Variants in DNAH5 observed in about 807,000 individuals in gnomAD.
DNAH5 encodes the protein dynein axonemal heavy chain 5, also known as axonemal beta dynein heavy chain 5.
In DNAH5, 372 loss-of-function variants were observed where a neutral mutation model predicts 518.2. The ratio of observed to expected loss-of-function variants is 0.72; its 90% CI spans 0.66 to 0.78. The LOEUF (loss-of-function observed/expected upper bound fraction) is 0.78, where lower values mean the gene tolerates loss of function less well. DNAH5 is among the 30% of genes least tolerant of loss of function. DNAH5 has a pLI of 0.00. For missense variants in DNAH5, 5,523 were observed against 5,687.0 expected (o/e 0.97, Z 0.93); for synonymous variants, 2,039 against 2,025.9 (o/e 1.01, Z -0.17).
At chr5:13,936,805 G>T (rs1347083532) in intron 1 of DNAH5, among the ~76,000 whole-genome samples, 1 of 152,140 alleles carries the variant, frequency 6.6e-6, no homozygotes, top group East Asian at 1.9e-4. Flanking sequence ...CTTGTTGACA[G>T]GTTTGTTCCT....
rs776748746 is a variant in DNAH5 at position 13,793,929 on chromosome 5, A to G, written c.8010+7T>C. The G allele has an allele frequency of 3.7e-6, 6 of 1,614,068 alleles. No homozygotes were observed. The highest frequency in any genetic ancestry group is 5.1e-6 in the Non-Finnish European group (6 of 1,179,932). On this transcript the variant is annotated splice_region_variant and intron_variant, in intron 48 of 78. Transcript: ENST00000265104. ...AAGAAATAAAATGCACAATAGAATG[A>G]TGATACCTGATCTCCCCACTCATTG...
chr5:13,773,421 G>A (rs181019423), intron 55 of DNAH5, among the ~76,000 whole-genome samples: 2 of 152,214 alleles, frequency 1.3e-5, no homozygotes, highest in East Asian at 3.9e-4. Context: ...AGGGACTAGT[G>A]TGAAAGGATA....
In DNAH5 at chr5:13,736,080, C is replaced by A. The variant is rs1365741802; in HGVS notation, c.11456-148G>T. The A allele has an allele frequency of 5.1e-5, 34 of 671,694 alleles. No individual in the cohort carries two copies. The Admixed American group carries it at 7.9e-4, about 16-fold the overall frequency. The allele number at this position is 671,694 out of a possible 1,614,324, so 41.6% of individuals were successfully genotyped here. Reference sequence around the variant, plus strand: ...CAGATACGGGATACAAAGCGATATTCATTTATTAATATATTTATTATTTAC... The same window carrying A: ...CAGATACGGGATACAAAGCGATATTAATTTATTAATATATTTATTATTTAC... On this transcript the variant is annotated intron_variant, in intron 66 of 78. Transcript: ENST00000265104.
At chr5:13,704,713 C>T (rs1742557170) in intron 76 of DNAH5, among the ~76,000 whole-genome samples, 1 of 152,174 alleles carries the variant, frequency 6.6e-6, no homozygotes, top group Non-Finnish European at 1.5e-5. Context: ...ATGATTTTCA[C>T]CTCATCCATA....
intron 22 of DNAH5, among the ~76,000 whole-genome samples, chr5:13,874,805 C>G (rs1169471294): frequency 6.6e-6 from 1 of 152,164 alleles, no homozygotes; most frequent in Non-Finnish European, 1.5e-5. Context: ...ACATGGGCCA[C>G]TACATCCAGC....
At chr5:13,709,080 A>T (rs1743169632) in intron 75 of DNAH5, among the ~76,000 whole-genome samples, 1 of 152,138 alleles carries the variant, frequency 6.6e-6, no homozygotes, top group African/African-American at 2.4e-5. Context: ...AACAGTATTG[A>T]TTTTTCTCCA....
At chr5:13,720,811 G>A (rs1289606497) in intron 71 of DNAH5, among the ~76,000 whole-genome samples, 189 bp downstream of exon 71, 1 of 151,778 alleles carries the variant, frequency 6.6e-6, no homozygotes, top group Non-Finnish European at 1.5e-5. Flanking sequence ...TCCTTGGGTA[G>A]TTGATTTATT....
intron 1 of DNAH5, among the ~76,000 whole-genome samples, chr5:14,009,728 C>T (rs991140991): frequency 6.6e-6 from 1 of 152,182 alleles, no homozygotes; most frequent in African/African-American, 2.4e-5. Flanking sequence ...CCACCTTCCA[C>T]CATACTTCCA....
rs1194879891 is a variant in DNAH5, at chr5:13,734,451, G to C, written c.11761+680C>G. Among the ~76,000 whole-genome samples, 8 of 152,146 alleles carry C rather than the reference G, an allele frequency of 5.3e-5. No individual in the cohort carries two copies. The East Asian group carries it at 1.5e-3, about 29-fold the overall frequency. On this transcript the variant is annotated intron_variant, in intron 68 of 78. Coordinates refer to ENST00000265104, the MANE Select transcript of DNAH5 (RefSeq NM_001369.3). ...TCCGCTGGGCTGTTTCGTTTGAATG[G>C]CCCAGGGGACACGGCTGTGAGCAAT...
intron 35 of DNAH5, among the ~76,000 whole-genome samples, chr5:13,834,878 C>T (rs549902640): frequency 3.3e-5 from 5 of 152,320 alleles, no homozygotes; most frequent in African/African-American, 1.2e-4. Flanking sequence ...GAGAAGGAAC[C>T]ATGGGAGAAG....
intron 70 of DNAH5, 113 bp downstream of exon 70, chr5:13,727,394 G>T: frequency 1.0e-6 from 1 of 993,610 alleles, no homozygotes. Flanking sequence ...ATCACACAGA[G>T]GCCTACAAGA....
intron 1 of DNAH5, among the ~76,000 whole-genome samples, chr5:13,969,689 T>C (rs1266286603): frequency 1.3e-5 from 2 of 152,200 alleles, no homozygotes; most frequent in Non-Finnish European, 2.9e-5. Context: ...ATAATTTCAA[T>C]TTTCTTAAAT....
chr5:13,858,239 C>A lies in DNAH5; in HGVS notation c.4950+1213G>T, dbSNP rs2652778. Among the ~76,000 whole-genome samples the A allele has an allele frequency of 3.3e-5, 5 of 151,936 alleles. No homozygotes were observed. In the East Asian group the frequency reaches 9.7e-4, roughly 29 times the overall value. ...TACACCATGGAATACTATGCAGCCA[C>A]AAAAAAGGAGGAATCCATGTCCTTT... On this transcript the variant is annotated intron_variant, in intron 30 of 78. Transcript: ENST00000265104.
chr5:13,850,151 T>G (rs1766616883), intron 31 of DNAH5, among the ~76,000 whole-genome samples: 5 of 148,040 alleles, frequency 3.4e-5, no homozygotes, highest in Admixed American at 3.4e-4. Context: ...TTACATTATT[T>G]TATTGTGATT....
chr5:13,898,312 CAATTA>C, intron 15 of DNAH5: 2 of 355,090 alleles, frequency 5.6e-6, no homozygotes, highest in Non-Finnish European at 1.0e-5. Flanking sequence ...TCTGCAAATA[CAATTA>C]AATTATCAGT....
intron 3 of DNAH5, among the ~76,000 whole-genome samples, chr5:13,924,397 C>T (rs150236552): frequency 2.6e-5 from 4 of 151,888 alleles, no homozygotes; most frequent in Admixed American, 6.6e-5. Context: ...ATAATATGGC[C>T]GGGCGTGGTG....
In DNAH5 at chr5:13,876,460, T is replaced by C. The variant is rs1283362005; in HGVS notation, c.3396+224A>G. ...GTATTAAAAGAATATATTAAAAGCA[T>C]TAAACAAAACACAATATGAGAGTAG... On this transcript the variant is annotated intron_variant, in intron 22 of 78. Transcript: ENST00000265104. 2.0e-5 allele frequency among the ~76,000 whole-genome samples: 3 copies of C among 152,336 alleles called. No individual in the cohort carries two copies. The East Asian group carries it at 5.8e-4, about 29-fold the overall frequency.
At chr5:13,791,735 CT>C (rs1224267218) in intron 50 of DNAH5, among the ~76,000 whole-genome samples, 4 of 151,960 alleles carry the variant, frequency 2.6e-5, no homozygotes, top group African/African-American at 4.8e-5. Flanking sequence ...TCAATTGTTT[CT>C]TTTATTCTTT....
intron 1 of DNAH5, among the ~76,000 whole-genome samples, chr5:13,979,988 C>G (rs1337539513): frequency 6.6e-6 from 1 of 151,874 alleles, no homozygotes; most frequent in Non-Finnish European, 1.5e-5. Flanking sequence ...TACAGGCATC[C>G]ACCACCACAC....
Sources: allele counts gnomAD v4.1 joint callset (sites outside exome capture counted in the v4.1 genomes callset), GRCh38; gene constraint gnomAD v4.1.1; transcripts MANE v1.5; gene names NCBI Gene and HGNC (gene_info 2026-07-23, HGNC 2026-07-21).